The following IRGM variants were observed in gnomAD, a reference collection of about 807,000 sequenced individuals.
The protein encoded by IRGM is immunity related GTPase M, also known as immunity-related GTPase family M protein.
For synonymous variants in IRGM, 98 were observed against 80.6 expected, an observed-to-expected ratio of 1.22 and a Z score of -1.16; for missense variants, 288 against 219.9, an observed-to-expected ratio of 1.31 and a Z score of -1.96.
intron 3 of IRGM, chr5:150,894,683 T>A (rs1397067781): frequency 6.6e-6 from 1 of 151,874 alleles, no homozygotes; most frequent in African/African-American, 2.4e-5. Context: ...TTGTACTTAC[T>A]GATAAAAAAT....
chr5:150,887,215 G>A (rs940285786), intron 3 of IRGM, among the ~76,000 whole-genome samples: 2 of 151,954 alleles, frequency 1.3e-5, no homozygotes, highest in Non-Finnish European at 2.9e-5. Flanking sequence ...ATACAGGAGT[G>A]GAAGGATGAA....
At position 150,896,718 on chromosome 5, in the gene IRGM, C is replaced by T. The variant is rs1392549151; in HGVS notation, c.*141-3871C>T. The T allele has an allele frequency of 3.7e-6, 6 of 1,613,508 alleles. No individual in the cohort carries two copies. The East Asian group carries it at 1.1e-4, about 30-fold the overall frequency. On this transcript the variant is annotated intron_variant and NMD_transcript_variant, in intron 3 of 3. Coordinates refer to the IRGM transcript ENST00000520549. ...CTGTATTGATATATCTGTTTCTATGCACTCTTGAAATATTTTCCCCAGTGG... is the reference window on the plus strand; with the variant it reads ...CTGTATTGATATATCTGTTTCTATGTACTCTTGAAATATTTTCCCCAGTGG...
intron 1 of IRGM, among the ~76,000 whole-genome samples, chr5:150,876,156 A>G (rs1301712953): frequency 1.3e-5 from 2 of 152,208 alleles, no homozygotes; most frequent in African/African-American, 4.8e-5. Context: ...TCACACTTAC[A>G]ACACCAACTA....
intron 3 of IRGM, among the ~76,000 whole-genome samples, chr5:150,889,142 T>C (rs1395287978): frequency 1.3e-5 from 2 of 151,926 alleles, no homozygotes; most frequent in African/African-American, 4.8e-5. Flanking sequence ...TTTTTCAAGA[T>C]TTAAAATTTT....
chr5:150,878,125 A>C, intron 2 of IRGM: 1 of 421,762 alleles, frequency 2.4e-6, no homozygotes, highest in Non-Finnish European at 4.6e-6. Context: ...GTGAGAAAAA[A>C]AAATCTTCAC....
chr5:150,863,763 G>A (rs527820526), intron 1 of IRGM, among the ~76,000 whole-genome samples: 2 of 152,292 alleles, frequency 1.3e-5, no homozygotes, highest in Non-Finnish European at 2.9e-5. Flanking sequence ...CACCTGAACC[G>A]ATAATTTCAT....
At chr5:150,853,869 C>T (rs1224933056) in intron 1 of IRGM, among the ~76,000 whole-genome samples, 1 of 152,038 alleles carries the variant, frequency 6.6e-6, no homozygotes, top group African/African-American at 2.4e-5. Context: ...TCTCCCCAAC[C>T]CCATTCTACC....
chr5:150,865,121 G>C (rs1754188906), intron 1 of IRGM, among the ~76,000 whole-genome samples: 1 of 152,166 alleles, frequency 6.6e-6, no homozygotes, highest in Admixed American at 6.5e-5. Context: ...AATAAATGGA[G>C]TTAAATTTTT....
intron 1 of IRGM, among the ~76,000 whole-genome samples, chr5:150,870,954 G>T (rs1389100583): frequency 1.3e-5 from 2 of 151,672 alleles, no homozygotes; most frequent in African/African-American, 4.8e-5. Context: ...GAGGAATGAG[G>T]TCTCTGAAAT....
chr5:150,882,455 C>T (rs1311150386), intron 3 of IRGM, among the ~76,000 whole-genome samples: 1 of 151,984 alleles, frequency 6.6e-6, no homozygotes, highest in African/African-American at 2.4e-5. Context: ...AGTGACCCAA[C>T]TGTATGCTGC....
intron 1 of IRGM, among the ~76,000 whole-genome samples, chr5:150,858,599 C>T (rs1325174651): frequency 6.6e-6 from 1 of 151,982 alleles, no homozygotes; most frequent in Non-Finnish European, 1.5e-5. Flanking sequence ...TCTTTTATTT[C>T]CTTGAGCAGT....
At chr5:150,880,206 T>C (rs1385049141) in intron 3 of IRGM, among the ~76,000 whole-genome samples, 1 of 152,194 alleles carries the variant, frequency 6.6e-6, no homozygotes, top group African/African-American at 2.4e-5. Flanking sequence ...TGAACAGCTT[T>C]TTATCCATTT....
At chr5:150,866,616 TG>T (rs1354738098) in intron 1 of IRGM, among the ~76,000 whole-genome samples, 1 of 152,208 alleles carries the variant, frequency 6.6e-6, no homozygotes, top group East Asian at 1.9e-4. Context: ...GTGAAAATTC[TG>T]CAGGAGGAAA....
intron 3 of IRGM, chr5:150,898,705 G>A: frequency 6.2e-6 from 5 of 809,550 alleles, no homozygotes; most frequent in Non-Finnish European, 9.2e-6. Context: ...CCAGGCATAT[G>A]AGGAGAAAAA....
At chr5:150,854,577 A>G (rs1380013723) in intron 1 of IRGM, among the ~76,000 whole-genome samples, 2 of 152,198 alleles carry the variant, frequency 1.3e-5, no homozygotes, top group Non-Finnish European at 2.9e-5. Flanking sequence ...TTTGCTAAAT[A>G]CAGAATTCTC....
downstream of IRGM, among the ~76,000 whole-genome samples, chr5:150,849,599 T>TTCTCTC (rs201994601): frequency 1.6e-5 from 2 of 125,486 alleles, no homozygotes; most frequent in African/African-American, 6.8e-5. Context: ...ATTTTTCTTT[T>TTCTCTC]TCTCTCTTTT....
At chr5:150,851,257 G>A (rs749899813), downstream of IRGM, among the ~76,000 whole-genome samples, 2 of 152,158 alleles carry the variant, frequency 1.3e-5, no homozygotes, top group Non-Finnish European at 2.9e-5. Flanking sequence ...AGATGGAGCA[G>A]GTGAAGAGTC....
At chr5:150,880,614 G>A (rs1204577419) in intron 3 of IRGM, among the ~76,000 whole-genome samples, 2 of 152,140 alleles carry the variant, frequency 1.3e-5, no homozygotes, top group African/African-American at 4.8e-5. Context: ...GGCCAGGAAA[G>A]CCCTCCCAAT....
chr5:150,858,254 C>A (rs892562311), intron 1 of IRGM, among the ~76,000 whole-genome samples: 29 of 152,190 alleles, frequency 1.9e-4, no homozygotes, highest in South Asian at 4.2e-4. Flanking sequence ...GGCATTATTT[C>A]TGAGGGCTCT....
Sources: allele counts gnomAD v4.1 joint callset (sites outside exome capture counted in the v4.1 genomes callset), GRCh38; gene constraint gnomAD v4.1.1; transcripts MANE v1.5; gene names NCBI Gene and HGNC (gene_info 2026-07-23, HGNC 2026-07-21).